Variants in DLG2 observed in about 807,000 individuals in gnomAD.
DLG2 encodes the protein discs large MAGUK scaffold protein 2, also known as disks large homolog 2.
A neutral mutation model predicts 132.5 loss-of-function variants in DLG2; 45 were observed. The ratio of observed to expected loss-of-function variants is 0.34; its 90% CI spans 0.27 to 0.44. The LOEUF (loss-of-function observed/expected upper bound fraction) is 0.44. DLG2 is among the 20% of genes least tolerant of loss of function. The probability of loss-of-function intolerance (pLI) is 1.00; values close to 1 mark genes in which losing one functional copy is unlikely to be tolerated. For missense variants in DLG2, 1,045 were observed against 1,196.9 expected, an observed-to-expected ratio of 0.87 and a Z score of 1.87; for synonymous variants, 424 against 419.6, an observed-to-expected ratio of 1.01 and a Z score of -0.13.
chr11:84,166,858 G>C (rs1259490659), intron 8 of DLG2: 2 of 526,156 alleles, frequency 3.8e-6, no homozygotes, highest in Non-Finnish European at 7.8e-6. Context: ...TCCCAATCAG[G>C]TTATCGACAT....
chr11:84,413,514 A>T (rs11234016), intron 7 of DLG2, among the ~76,000 whole-genome samples: 3,430 of 152,286 alleles, frequency 0.023, 48 homozygotes, highest in Non-Finnish European at 0.038. Context: ...GAGATCCAGA[A>T]ATGTGATGTG....
chr11:85,456,629 C>T (rs1477603240), intron 3 of DLG2, among the ~76,000 whole-genome samples: 1 of 152,208 alleles, frequency 6.6e-6, no homozygotes, highest in East Asian at 1.9e-4. Flanking sequence ...CCTCTTAACA[C>T]TGCCTTAGCT....
intron 10 of DLG2, among the ~76,000 whole-genome samples, chr11:84,095,249 C>A (rs549460891): frequency 2.0e-5 from 3 of 152,118 alleles, no homozygotes; most frequent in Admixed American, 6.6e-5. Flanking sequence ...AAGGGGAAAA[C>A]GGTGGTAAAA....
At chr11:85,526,189 G>C (rs890160372) in intron 3 of DLG2, among the ~76,000 whole-genome samples, 1 of 152,072 alleles carries the variant, frequency 6.6e-6, no homozygotes, top group African/African-American at 2.4e-5. Flanking sequence ...AAATTAAAAG[G>C]ATAAAACAGA....
At chr11:84,317,445 A>G in intron 7 of DLG2, 1 of 1,013,772 alleles carries the variant, frequency 9.9e-7, no homozygotes, top group Non-Finnish European at 1.3e-6. Context: ...GGGCTACAAG[A>G]CTGTACACTG....
At chr11:85,563,394 A>G (rs2077359195) in intron 3 of DLG2, among the ~76,000 whole-genome samples, 1 of 151,346 alleles carries the variant, frequency 6.6e-6, no homozygotes, top group African/African-American at 2.4e-5. Context: ...CTGGACCCCA[A>G]ATGTCCATTA....
At chr11:85,239,018 C>T (rs760471779) in intron 4 of DLG2, among the ~76,000 whole-genome samples, 1 of 151,808 alleles carries the variant, frequency 6.6e-6, no homozygotes, top group Non-Finnish European at 1.5e-5. Context: ...CCATATGGTT[C>T]CCATGGTGTT....
At chr11:85,266,890 T>C (rs2077245961) in intron 4 of DLG2, among the ~76,000 whole-genome samples, 1 of 152,250 alleles carries the variant, frequency 6.6e-6, no homozygotes, top group South Asian at 2.1e-4. Context: ...TTTTTAGTGT[T>C]GCACCACAAG....
At chr11:85,144,021 G>A (rs977215490) in intron 5 of DLG2, among the ~76,000 whole-genome samples, 1 of 151,804 alleles carries the variant, frequency 6.6e-6, no homozygotes, top group Non-Finnish European at 1.5e-5. Context: ...CTAAAAATGG[G>A]TTGTTGAGCT....
At chr11:84,512,153 A>T (rs1565152952) in intron 7 of DLG2, among the ~76,000 whole-genome samples, 1 of 152,180 alleles carries the variant, frequency 6.6e-6, no homozygotes. Flanking sequence ...TGGCATTTCC[A>T]AAAGCAATAG....
At chr11:85,006,686 C>A (rs1358722768) in intron 6 of DLG2, among the ~76,000 whole-genome samples, 1 of 151,914 alleles carries the variant, frequency 6.6e-6, no homozygotes, top group African/African-American at 2.4e-5. Flanking sequence ...CAGTTCCTGG[C>A]TTCACTGATT....
chr11:84,245,256 T>C (rs1400362519), intron 8 of DLG2, among the ~76,000 whole-genome samples: 2 of 152,194 alleles, frequency 1.3e-5, no homozygotes, highest in Non-Finnish European at 2.9e-5. Flanking sequence ...TTCCCTTTAG[T>C]TCACTCTCTT....
intron 4 of DLG2, among the ~76,000 whole-genome samples, chr11:85,219,108 A>C (rs564908267): frequency 1.3e-5 from 2 of 152,246 alleles, no homozygotes; most frequent in African/African-American, 4.8e-5. Context: ...GGGTTGAAAA[A>C]CTACCTATCA....
At chr11:83,993,486 T>C (rs1279548448) in intron 11 of DLG2, among the ~76,000 whole-genome samples, 1 of 152,126 alleles carries the variant, frequency 6.6e-6, no homozygotes, top group East Asian at 1.9e-4. Flanking sequence ...AAATGACCAA[T>C]GACAGACACA....
At chr11:84,674,275 C>G (rs113536822) in intron 6 of DLG2, among the ~76,000 whole-genome samples, 2 of 152,148 alleles carry the variant, frequency 1.3e-5, no homozygotes, top group African/African-American at 4.8e-5. Flanking sequence ...TAGCTCCTCA[C>G]ACAGTCTACT....
chr11:84,188,890 T>C (rs1202943643), intron 8 of DLG2, among the ~76,000 whole-genome samples: 1 of 152,192 alleles, frequency 6.6e-6, no homozygotes, highest in Non-Finnish European at 1.5e-5. Flanking sequence ...CAGAGCCTTC[T>C]TTTTGAAAGC....
intron 6 of DLG2, among the ~76,000 whole-genome samples, chr11:84,779,198 A>G (rs34730638): frequency 0.26 from 38,866 of 148,072 alleles, 5,458 homozygotes; most frequent in Admixed American, 0.3. Flanking sequence ...ATGTGCGCAC[A>G]CACACACACA....
At chr11:85,422,872 T>C (rs1269530662) in intron 3 of DLG2, among the ~76,000 whole-genome samples, 1 of 152,176 alleles carries the variant, frequency 6.6e-6, no homozygotes, top group Non-Finnish European at 1.5e-5. Context: ...TTTCCTTACA[T>C]TGGGCTTTGC....
At chr11:84,955,054 A>G (rs2051461565) in intron 6 of DLG2, among the ~76,000 whole-genome samples, 1 of 152,230 alleles carries the variant, frequency 6.6e-6, no homozygotes, top group Non-Finnish European at 1.5e-5. Context: ...GATACAAATT[A>G]CTGTGTTTCA....
Sources: allele counts gnomAD v4.1 joint callset (sites outside exome capture counted in the v4.1 genomes callset), GRCh38; gene constraint gnomAD v4.1.1; transcripts MANE v1.5; gene names NCBI Gene and HGNC (gene_info 2026-07-23, HGNC 2026-07-21).